Variants in EXT1 observed in about 807,000 individuals in gnomAD.
EXT1 encodes exostosin-1.
EXT1 carries 20 observed loss-of-function variants against 82.5 expected under a neutral mutation model. That is an observed-to-expected ratio of 0.24 (90% CI 0.17 to 0.35). EXT1 has a LOEUF of 0.35. Ranked by LOEUF, EXT1 falls within the 10% of genes least tolerant of loss-of-function variation. EXT1 has a pLI of 1.00. For synonymous variants in EXT1, 348 were observed against 350.8 expected, an observed-to-expected ratio of 0.99 and a Z score of 0.09; for missense variants, 757 against 936.5, an observed-to-expected ratio of 0.81 and a Z score of 2.50.
chr8:117,881,935 G>C (rs1473390104), intron 1 of EXT1, among the ~76,000 whole-genome samples: 1 of 152,182 alleles, frequency 6.6e-6, no homozygotes, highest in Admixed American at 6.5e-5. Context: ...ATCCTGGATA[G>C]AGTAGCTTCT....
intron 1 of EXT1, among the ~76,000 whole-genome samples, chr8:118,045,610 C>G (rs1449112847): frequency 1.3e-5 from 2 of 152,120 alleles, no homozygotes; most frequent in African/African-American, 4.8e-5. Flanking sequence ...TCAGCCTCTT[C>G]TATGTCATCC....
At position 117,906,613 on chromosome 8, in the gene EXT1, A is replaced by T. The variant is rs146388321; in HGVS notation, c.963-69412T>A. On this transcript the variant is annotated intron_variant, in intron 1 of 10. Coordinates refer to ENST00000378204, the MANE Select transcript of EXT1 (RefSeq NM_000127.3). ...TTAACACATGCAATGTTTCCTACGA[A>T]ATTCCTTAAAGCACAGAATTCATAC... Among the ~76,000 whole-genome samples, 434 of 152,314 alleles carry T rather than the reference A, an allele frequency of 2.8e-3. 2 individuals carry two copies. The highest frequency in any genetic ancestry group is 1.0e-2 in the African/African-American group (415 of 41,570).
intron 1 of EXT1, among the ~76,000 whole-genome samples, chr8:117,857,990 G>C (rs1812595119): frequency 6.6e-6 from 1 of 152,222 alleles, no homozygotes; most frequent in Non-Finnish European, 1.5e-5. Flanking sequence ...AGATATGGTA[G>C]AACTAGCAAG....
At chr8:117,893,578 A>G (rs1586268713) in intron 1 of EXT1, among the ~76,000 whole-genome samples, 2 of 152,270 alleles carry the variant, frequency 1.3e-5, no homozygotes, top group Non-Finnish European at 1.5e-5. Flanking sequence ...TCAATTCAAG[A>G]TATTTGCACT....
chr8:117,871,458 A>G (rs1812868942), intron 1 of EXT1, among the ~76,000 whole-genome samples: 1 of 152,214 alleles, frequency 6.6e-6, no homozygotes, highest in Non-Finnish European at 1.5e-5. Context: ...TCCCCTAGAG[A>G]TATCTAAAAT....
chr8:117,932,176 T>G (rs1814073078), intron 1 of EXT1, among the ~76,000 whole-genome samples: 1 of 152,180 alleles, frequency 6.6e-6, no homozygotes, highest in African/African-American at 2.4e-5. Flanking sequence ...GGGGGGGTGC[T>G]TTAACTTCTA....
chr8:117,996,722 A>C (rs1310559527), intron 1 of EXT1, among the ~76,000 whole-genome samples: 2 of 152,262 alleles, frequency 1.3e-5, no homozygotes, highest in Non-Finnish European at 2.9e-5. Context: ...CAAAACTGCT[A>C]TTCCTACATT....
intron 1 of EXT1, among the ~76,000 whole-genome samples, chr8:117,988,418 T>A (rs1374596788): frequency 6.6e-6 from 1 of 152,096 alleles, no homozygotes; most frequent in African/African-American, 2.4e-5. Flanking sequence ...TGATTCTGAG[T>A]AGGTCTAGAG....
intron 1 of EXT1, among the ~76,000 whole-genome samples, chr8:118,060,087 A>G (rs991547772): frequency 3.9e-5 from 6 of 152,246 alleles, no homozygotes; most frequent in African/African-American, 1.4e-4. Context: ...GCGCTCAATG[A>G]GTGCTAAGGT....
chr8:118,061,504 T>C (rs994122199), intron 1 of EXT1, among the ~76,000 whole-genome samples: 1 of 152,202 alleles, frequency 6.6e-6, no homozygotes, highest in Non-Finnish European at 1.5e-5. Flanking sequence ...CTCGTTACAT[T>C]CCTAAAACCA....
chr8:117,804,962 G>T, intron 9 of EXT1, 69 bp from the exon 10 acceptor site: 2 of 1,432,214 alleles, frequency 1.4e-6, no homozygotes, highest in Non-Finnish European at 9.8e-7. Flanking sequence ...TTCTGAGACA[G>T]AAAACACATA....
chr8:117,922,002 A>G (rs1813866014), intron 1 of EXT1, among the ~76,000 whole-genome samples: 1 of 152,142 alleles, frequency 6.6e-6, no homozygotes, highest in Admixed American at 6.5e-5. Context: ...TCCAGTTACA[A>G]AAATTACAGC....
At chr8:118,016,163 G>A (rs528055447) in intron 1 of EXT1, among the ~76,000 whole-genome samples, 5 of 152,272 alleles carry the variant, frequency 3.3e-5, no homozygotes, top group Non-Finnish European at 7.4e-5. Context: ...AAGCCGAGGT[G>A]GGCAGATCAC....
chr8:118,001,732 G>A (rs1344365111), intron 1 of EXT1, among the ~76,000 whole-genome samples: 1 of 152,128 alleles, frequency 6.6e-6, no homozygotes, highest in Non-Finnish European at 1.5e-5. Context: ...ATAAACCAGT[G>A]ATTCCAAGAA....
At chr8:117,841,551 A>C in intron 1 of EXT1, among the ~76,000 whole-genome samples, 1 of 152,214 alleles carries the variant, frequency 6.6e-6, no homozygotes, top group South Asian at 2.1e-4. Flanking sequence ...CTAAGCAAGA[A>C]GGTAAGTAGG....
At chr8:117,961,236 G>A (rs1814693529) in intron 1 of EXT1, among the ~76,000 whole-genome samples, 2 of 151,690 alleles carry the variant, frequency 1.3e-5, no homozygotes, top group African/African-American at 4.9e-5. Flanking sequence ...TGAACTCCTG[G>A]GCTCAAGGAG....
At chr8:117,993,140 ATTTC>A (rs1189795852) in intron 1 of EXT1, among the ~76,000 whole-genome samples, 3 of 152,172 alleles carry the variant, frequency 2.0e-5, no homozygotes, top group Non-Finnish European at 4.4e-5. Context: ...CCATTTTTAC[ATTTC>A]TTTCTTTTTC....
chr8:118,007,317 A>C (rs1815800525), intron 1 of EXT1, among the ~76,000 whole-genome samples: 3 of 152,050 alleles, frequency 2.0e-5, no homozygotes, highest in Non-Finnish European at 4.4e-5. Flanking sequence ...CAAAAAAAGC[A>C]TTTGATGGCC....
chr8:117,881,973 A>G (rs1315643748), intron 1 of EXT1, among the ~76,000 whole-genome samples: 2 of 152,230 alleles, frequency 1.3e-5, no homozygotes, highest in Non-Finnish European at 2.9e-5. Flanking sequence ...GGGAAATACT[A>G]CGAAAAAGTC....
Sources: gnomAD v4.1 joint callset for allele counts (sites outside exome capture counted in the v4.1 genomes callset) on GRCh38, gnomAD v4.1.1 for gene constraint, MANE v1.5 for transcripts, NCBI Gene and HGNC (gene_info 2026-07-23, HGNC 2026-07-21) for gene names.